IL33: variants seen among roughly 807,000 people sequenced by gnomAD.
IL33 encodes interleukin 33, also known as interleukin-33.
IL33 carries 37 observed loss-of-function variants against 27.3 expected under a neutral mutation model. The observed-to-expected ratio is 1.36, with a 90% confidence interval of 1.04 to 1.78. The LOEUF is 1.78. IL33 is among the 40% of genes most tolerant of loss of function. The probability of loss-of-function intolerance (pLI) is 0.00; values close to 1 mark genes in which losing one functional copy is unlikely to be tolerated. For missense variants in IL33, 406 were observed against 311.4 expected (o/e 1.30, Z -2.29); for synonymous variants, 132 against 102.9 (o/e 1.28, Z -1.71).
In IL33 at chr9:6,240,823, G is replaced by GT. The variant is rs997171200; in HGVS notation, c.-11-854dup. ...AACTTTTTTACTTTATAAACTTTTA[G>GT]TTTTTTTAATGTTTTGACTCTTGTA... On this transcript the variant is annotated intron_variant, in intron 1 of 7. Transcript: ENST00000682010. 2.6e-5 allele frequency among the ~76,000 whole-genome samples: 4 copies of GT among 151,900 alleles called. No individual in the cohort carries two copies. The South Asian group carries it at 6.2e-4, about 24-fold the overall frequency.
intron 1 of IL33, among the ~76,000 whole-genome samples, chr9:6,237,208 A>G (rs1332482010): frequency 1.3e-5 from 2 of 152,232 alleles, no homozygotes; most frequent in Admixed American, 6.5e-5. Flanking sequence ...GCAAAAAAGA[A>G]CAAGTGATGT....
At chr9:6,229,267 G>C (rs868714333) in intron 1 of IL33, among the ~76,000 whole-genome samples, 1 of 152,186 alleles carries the variant, frequency 6.6e-6, no homozygotes, top group Admixed American at 6.5e-5. Context: ...AGCTTGGGAA[G>C]GGGATGCCAA....
chr9:6,234,680 T>C (rs905437249), intron 1 of IL33, among the ~76,000 whole-genome samples: 7 of 152,188 alleles, frequency 4.6e-5, no homozygotes, highest in Non-Finnish European at 8.8e-5. Flanking sequence ...CCCATTAACA[T>C]TGCCCTCACT....
intron 1 of IL33, among the ~76,000 whole-genome samples, chr9:6,224,712 T>A (rs1340055686): frequency 6.6e-6 from 1 of 152,210 alleles, no homozygotes; most frequent in Non-Finnish European, 1.5e-5. Flanking sequence ...TAATTTTTCA[T>A]GCATACATGC....
chr9:6,227,896 C>G (rs202050292), intron 1 of IL33, among the ~76,000 whole-genome samples: 6 of 152,118 alleles, frequency 3.9e-5, no homozygotes, highest in Non-Finnish European at 7.3e-5. Flanking sequence ...GGAGGAAGAT[C>G]TGGAATGCAA....
At position 6,247,232 on chromosome 9, in the gene IL33, G is replaced by C. The variant is rs79981454; in HGVS notation, c.92-3242G>C. Among the ~76,000 whole-genome samples the C allele has an allele frequency of 6.0e-3, 914 of 152,230 alleles. 30 individuals carry two copies. The highest frequency in any genetic ancestry group is 0.05 in the Admixed American group (761 of 15,282). ...CAACATTTATGAGCAGACAGTAGAG[G>C]GATAACTAACAAAGAGACAAGGTGC... On this transcript the variant is annotated intron_variant, in intron 2 of 7. Transcript: ENST00000682010.
At chr9:6,253,321 C>T (rs1165443096) in intron 5 of IL33, among the ~76,000 whole-genome samples, 1 of 152,174 alleles carries the variant, frequency 6.6e-6, no homozygotes, top group Non-Finnish European at 1.5e-5. Context: ...AAAGTACAAC[C>T]TTTATGCCAC....
intron 1 of IL33, among the ~76,000 whole-genome samples, chr9:6,232,503 C>G (rs1056358329): frequency 1.3e-5 from 2 of 152,170 alleles, no homozygotes; most frequent in Non-Finnish European, 2.9e-5. Flanking sequence ...TCCCCACCCA[C>G]ACACAAGCAT....
chr9:6,255,055 G>A (rs991987406), intron 7 of IL33, among the ~76,000 whole-genome samples: 3 of 152,036 alleles, frequency 2.0e-5, no homozygotes, highest in Non-Finnish European at 4.4e-5. Flanking sequence ...AGTCATAAGC[G>A]TTTCCATGTG....
intron 4 of IL33, among the ~76,000 whole-genome samples, chr9:6,251,908 T>C (rs1267039530): frequency 1.3e-5 from 2 of 151,604 alleles, no homozygotes; most frequent in Non-Finnish European, 2.9e-5. Context: ...GTTGTGGTGA[T>C]GTGCACCCGT....
chr9:6,232,678 C>T (rs578257894), intron 1 of IL33, among the ~76,000 whole-genome samples: 1 of 152,302 alleles, frequency 6.6e-6, no homozygotes, highest in South Asian at 2.1e-4. Context: ...CATCCCCAAC[C>T]CTGGGCCCAA....
intron 1 of IL33, among the ~76,000 whole-genome samples, chr9:6,230,327 G>A (rs1342688987): frequency 2.6e-5 from 4 of 152,156 alleles, no homozygotes; most frequent in African/African-American, 9.7e-5. Flanking sequence ...TTCCCTAGGA[G>A]AAGTGTTCTC....
intron 1 of IL33, among the ~76,000 whole-genome samples, chr9:6,224,967 C>G (rs543134420): frequency 5.3e-5 from 8 of 152,196 alleles, no homozygotes; most frequent in African/African-American, 1.9e-4. Flanking sequence ...TGGCACCTGC[C>G]TTTCCCCTGT....
At chr9:6,217,940 G>A (rs1255685101) in intron 1 of IL33, among the ~76,000 whole-genome samples, 1 of 146,770 alleles carries the variant, frequency 6.8e-6, no homozygotes, top group East Asian at 1.9e-4. Flanking sequence ...GCCACACTGG[G>A]GTCCTATACT....
intron 1 of IL33, 106 bp from the exon 2 acceptor site, chr9:6,241,578 T>C: frequency 6.6e-6 from 4 of 602,088 alleles, no homozygotes; most frequent in Non-Finnish European, 8.9e-6. Context: ...AATAATTATT[T>C]CCTCTATATG....
chr9:6,252,268 A>C (rs1168183710), intron 4 of IL33, among the ~76,000 whole-genome samples: 1 of 151,770 alleles, frequency 6.6e-6, no homozygotes, highest in Non-Finnish European at 1.5e-5. Flanking sequence ...TTTGTATACT[A>C]TTTTTTTCCA....
At chr9:6,224,656 C>T (rs1167954593) in intron 1 of IL33, among the ~76,000 whole-genome samples, 1 of 152,156 alleles carries the variant, frequency 6.6e-6, no homozygotes, top group Non-Finnish European at 1.5e-5. Context: ...ATTTCAAATG[C>T]TCTCCTACTT....
intron 7 of IL33, 150 bp from the exon 8 acceptor site, chr9:6,255,818 C>A: frequency 1.6e-6 from 1 of 633,026 alleles, no homozygotes; most frequent in African/African-American, 1.8e-5. Flanking sequence ...ACTCACTTCT[C>A]CCCCTCTTCC....
At chr9:6,237,826 G>C (rs1056418700) in intron 1 of IL33, among the ~76,000 whole-genome samples, 4 of 152,126 alleles carry the variant, frequency 2.6e-5, no homozygotes, top group African/African-American at 9.7e-5. Flanking sequence ...TCTTTGGGTA[G>C]AAGAGAAAAC....
Sources: allele counts gnomAD v4.1 joint callset (sites outside exome capture counted in the v4.1 genomes callset), GRCh38; gene constraint gnomAD v4.1.1; transcripts MANE v1.5; gene names NCBI Gene and HGNC (gene_info 2026-07-23, HGNC 2026-07-21).